ZDHHC11B: variants seen among roughly 807,000 people sequenced by gnomAD.
The protein encoded by ZDHHC11B is zDHHC palmitoyltransferase 11B (putative).
A neutral mutation model predicts 42.3 loss-of-function variants in ZDHHC11B; 17 were observed. That is an observed-to-expected ratio of 0.40 (90% CI 0.27 to 0.60). The LOEUF (loss-of-function observed/expected upper bound fraction) is 0.60. Ranked by LOEUF, ZDHHC11B falls within the 20% of genes least tolerant of loss-of-function variation. ZDHHC11B has a pLI of 0.41. For synonymous variants in ZDHHC11B, 123 were observed against 193.5 expected (o/e 0.64, Z 3.02); for missense variants, 262 against 463.2 (o/e 0.57, Z 3.99).
chr5:746,619 C>T (rs554759646), intron 8 of ZDHHC11B, among the ~76,000 whole-genome samples: 31 of 148,246 alleles, frequency 2.1e-4, no homozygotes, highest in African/African-American at 7.6e-4. Flanking sequence ...GCCCACTGCA[C>T]TTCCCTGCTC....
At position 746,585 on chromosome 5, in the gene ZDHHC11B, C is replaced by A. The variant is rs1328869457; in HGVS notation, c.785-1287G>T. On this transcript the variant is annotated intron_variant, in intron 8 of 13. Transcript: ENST00000508859. ...GGCTCAGAGGACAGACCAGGTCATC[C>A]CTCCCAGCCCCGCATGGCTTCAGGC... 4.8e-5 allele frequency among the ~76,000 whole-genome samples: 7 copies of A among 146,746 alleles called. No homozygotes were observed. In the East Asian group the frequency reaches 1.6e-3, roughly 34 times the overall value.
intron 4 of ZDHHC11B, among the ~76,000 whole-genome samples, chr5:762,070 A>G (rs1347344476): frequency 6.7e-6 from 1 of 148,752 alleles, no homozygotes; most frequent in African/African-American, 2.5e-5. Flanking sequence ...TGCAGCCCAG[A>G]CAGCCACTCA....
intron 12 of ZDHHC11B, among the ~76,000 whole-genome samples, chr5:721,479 G>A (rs1443392895): frequency 3.0e-4 from 45 of 151,328 alleles, no homozygotes; most frequent in African/African-American, 1.0e-3. Context: ...TGAGTTAAAG[G>A]AGGTTGTCTT....
intron 12 of ZDHHC11B, among the ~76,000 whole-genome samples, chr5:718,116 G>A (rs917818214): frequency 4.6e-5 from 7 of 151,866 alleles, no homozygotes; most frequent in Non-Finnish European, 1.5e-5. Context: ...TAAAAGCATG[G>A]CAAAGTATGA....
chr5:716,781 T>C lies in ZDHHC11B; in HGVS notation c.*7+20A>G, dbSNP rs766037754. 1.4e-4 allele frequency: 219 copies of C among 1,612,382 alleles called. 1 individual carries two copies. In the Middle Eastern group the frequency reaches 3.7e-3, roughly 27 times the overall value. Reference sequence around the variant, plus strand: ...AACTTGGGTAGATTTCAACATGACCTGCACTGCCACGTATCTTACCCGAAT... The same window carrying C: ...AACTTGGGTAGATTTCAACATGACCCGCACTGCCACGTATCTTACCCGAAT... On this transcript the variant is annotated intron_variant, in intron 13 of 13. Transcript: ENST00000508859.
chr5:765,670 A>G (rs1292267233), intron 4 of ZDHHC11B, among the ~76,000 whole-genome samples: 1 of 151,742 alleles, frequency 6.6e-6, no homozygotes, highest in African/African-American at 2.4e-5. Flanking sequence ...GCTGCTGCTC[A>G]CTCTTTGGCT....
At chr5:777,803 C>G (rs1030210137) in intron 1 of ZDHHC11B, among the ~76,000 whole-genome samples, 1 of 152,012 alleles carries the variant, frequency 6.6e-6, no homozygotes, top group South Asian at 2.1e-4. Context: ...CGGAGCTGCC[C>G]GCCAGTACTG....
chr5:770,248 G>T (rs987928112), intron 1 of ZDHHC11B, among the ~76,000 whole-genome samples: 1 of 150,410 alleles, frequency 6.6e-6, no homozygotes, highest in African/African-American at 2.4e-5. Context: ...GGCCCTCCTG[G>T]GGCTGGGCGT....
intron 4 of ZDHHC11B, among the ~76,000 whole-genome samples, chr5:765,312 C>A (rs1338309525): frequency 5.3e-5 from 8 of 151,638 alleles, no homozygotes; most frequent in African/African-American, 1.9e-4. Flanking sequence ...CTGGTGGGGA[C>A]TTGGAGAATC....
intron 1 of ZDHHC11B, among the ~76,000 whole-genome samples, chr5:778,396 C>G (rs924249280): frequency 2.0e-5 from 3 of 150,556 alleles, no homozygotes; most frequent in African/African-American, 7.3e-5. Flanking sequence ...GAGGACACAG[C>G]CGCGGCTCTC....
At chr5:767,133 A>G (rs1252424256) in intron 3 of ZDHHC11B, among the ~76,000 whole-genome samples, 1 of 151,964 alleles carries the variant, frequency 6.6e-6, no homozygotes, top group East Asian at 1.9e-4. Context: ...ATGAACAGAC[A>G]TGCTGCAGAA....
At chr5:751,798 C>A (rs1221441664) in intron 6 of ZDHHC11B, among the ~76,000 whole-genome samples, 2 of 124,096 alleles carry the variant, frequency 1.6e-5, no homozygotes, top group African/African-American at 5.2e-5. Context: ...GTGGGACATT[C>A]CCACCAGCAC....
At chr5:761,674 T>C (rs6894547) in intron 4 of ZDHHC11B, among the ~76,000 whole-genome samples, 5,852 of 150,272 alleles carry the variant, frequency 0.039, 290 homozygotes, top group East Asian at 0.12. Context: ...CCCCCACATG[T>C]GTGTCCAGGC....
intron 4 of ZDHHC11B, among the ~76,000 whole-genome samples, chr5:759,137 T>C (rs1396916601): frequency 6.6e-6 from 1 of 151,940 alleles, no homozygotes; most frequent in African/African-American, 2.4e-5. Context: ...CCAAACTGCC[T>C]GCCCTCTGGA....
intron 13 of ZDHHC11B, among the ~76,000 whole-genome samples, chr5:713,096 C>T (rs938896629): frequency 3.3e-5 from 5 of 150,842 alleles, no homozygotes; most frequent in African/African-American, 4.9e-5. Context: ...TGACATCTTC[C>T]CAATTTTCTC....
chr5:722,116 G>A (rs1742235845), intron 12 of ZDHHC11B, among the ~76,000 whole-genome samples: 1 of 151,818 alleles, frequency 6.6e-6, no homozygotes, highest in Non-Finnish European at 1.5e-5. Flanking sequence ...ACCCTTAGTA[G>A]AAATAATAGA....
Position 717,754 on chromosome 5 carries a change from G to A in ZDHHC11B, c.1059-889C>T, listed in dbSNP as rs868184445. 7.2e-5 allele frequency among the ~76,000 whole-genome samples: 11 copies of A among 151,810 alleles called. No individual in the cohort carries two copies. The South Asian group carries it at 2.1e-3, about 29-fold the overall frequency. On this transcript the variant is annotated intron_variant, in intron 12 of 13. Transcript: ENST00000508859. ...AGCTGATGCAGAAGGCCATGGTCAGGAGTGTGCTGCAGAACCTGGAAGAGA... is the reference window on the plus strand; with the variant it reads ...AGCTGATGCAGAAGGCCATGGTCAGAAGTGTGCTGCAGAACCTGGAAGAGA...
At position 721,485 on chromosome 5, in the gene ZDHHC11B, G is replaced by T. The variant is rs1183515973; in HGVS notation, c.1059-4620C>A. 2.6e-5 allele frequency among the ~76,000 whole-genome samples: 4 copies of T among 151,494 alleles called. No homozygotes were observed. The East Asian group carries it at 7.8e-4, about 30-fold the overall frequency. Reference sequence around the variant, plus strand: ...CAAAGATGCTGAGTTAAAGGAGGTTGTCTTCCTTACTGAGTAATAGAGAAG... The same window carrying T: ...CAAAGATGCTGAGTTAAAGGAGGTTTTCTTCCTTACTGAGTAATAGAGAAG... On this transcript the variant is annotated intron_variant, in intron 12 of 13. Transcript: ENST00000508859.
intron 12 of ZDHHC11B, among the ~76,000 whole-genome samples, chr5:717,793 C>T (rs1007785020): frequency 2.0e-5 from 3 of 151,744 alleles, no homozygotes; most frequent in African/African-American, 7.3e-5. Flanking sequence ...CCAGGAATTG[C>T]CATGGAGGAG....
Sources: allele counts gnomAD v4.1 joint callset (sites outside exome capture counted in the v4.1 genomes callset), GRCh38; gene constraint gnomAD v4.1.1; transcripts MANE v1.5; gene names NCBI Gene and HGNC (gene_info 2026-07-23, HGNC 2026-07-21).